Variants in GLE1 observed in about 807,000 individuals in gnomAD.
The protein encoded by GLE1 is GLE1 RNA export mediator, also known as mRNA export factor GLE1.
In GLE1, 78 loss-of-function variants were observed where a neutral mutation model predicts 97.3. The ratio of observed to expected loss-of-function variants is 0.80; its 90% CI spans 0.67 to 0.97. The LOEUF is 0.97. Among genes scored for constraint, GLE1 ranks in the 50% least tolerant of loss-of-function variants. GLE1 has a pLI of 0.00. For synonymous variants in GLE1, 302 were observed against 313.4 expected (o/e 0.96, Z 0.39); for missense variants, 753 against 857.5 (o/e 0.88, Z 1.52).
chr9:128,506,205 C>T (rs1371941566), intron 1 of GLE1, among the ~76,000 whole-genome samples: 1 of 151,948 alleles, frequency 6.6e-6, no homozygotes, highest in Admixed American at 6.6e-5. Context: ...ATTAGCCGAG[C>T]ATGGTGGTGC....
At chr9:128,520,093 T>TA (rs1198325505) in intron 3 of GLE1, among the ~76,000 whole-genome samples, 2 of 151,738 alleles carry the variant, frequency 1.3e-5, no homozygotes, top group African/African-American at 4.8e-5. Flanking sequence ...CTACTAAAAA[T>TA]ACAAAAATTA....
intron 9 of GLE1, chr9:128,528,955 C>T (rs899791678): frequency 2.6e-5 from 4 of 152,152 alleles, no homozygotes; most frequent in African/African-American, 9.7e-5. Context: ...CTGGAACACT[C>T]CTCTGACGCA....
chr9:128,531,069 C>T (rs1847487181), intron 9 of GLE1, among the ~76,000 whole-genome samples: 1 of 151,646 alleles, frequency 6.6e-6, no homozygotes, highest in Non-Finnish European at 1.5e-5. Flanking sequence ...ACAAAATTAG[C>T]TGGGCATGGT....
chr9:128,509,079 A>G lies in GLE1; in HGVS notation c.303A>G (p.Ala101=). The G allele has an allele frequency of 6.2e-7, 1 of 1,606,882 alleles. No homozygotes were observed. Among genetic ancestry groups the G allele is most frequent in the Non-Finnish European group, 8.5e-7 (1 of 1,173,372 alleles). ...CTGCCTTTTCCCCAGCCTCCCCTGC[A>G]ACACCAAATGGAACCAAGGTAAGGT... The part of the protein sequence containing the change: ...ASSAFSPASP[A]TPNGTKGKDE... The change falls in exon 2 of 16, where the codon GCA becomes GCG. Residue 101 remains alanine, a synonymous_variant. Transcript: ENST00000309971.
chr9:128,517,194 G>A (rs1378762779), intron 3 of GLE1, among the ~76,000 whole-genome samples: 1 of 151,982 alleles, frequency 6.6e-6, no homozygotes, highest in Non-Finnish European at 1.5e-5. Context: ...GGAGGCTGAG[G>A]CAGGAGAATC....
chr9:128,516,770 GC>G (rs1201983053), intron 3 of GLE1, among the ~76,000 whole-genome samples: 1 of 151,822 alleles, frequency 6.6e-6, no homozygotes, highest in Non-Finnish European at 1.5e-5. Flanking sequence ...GATTACAGGC[GC>G]CTGCCACCAC....
intron 10 of GLE1, 24 bp downstream of exon 10, chr9:128,533,679 T>C: frequency 1.2e-6 from 2 of 1,613,818 alleles, no homozygotes; most frequent in Non-Finnish European, 1.7e-6. Context: ...TTGCTAGAGG[T>C]ATGGGAAGCA....
At chr9:128,513,991 C>G (rs1436786933) in intron 2 of GLE1, among the ~76,000 whole-genome samples, 1 of 147,600 alleles carries the variant, frequency 6.8e-6, no homozygotes, top group East Asian at 2.0e-4. Context: ...GCACTCCAGC[C>G]TGGGCAACAG....
intron 11 of GLE1, among the ~76,000 whole-genome samples, chr9:128,535,227 G>A (rs1422779274): frequency 6.6e-6 from 1 of 151,640 alleles, no homozygotes; most frequent in African/African-American, 2.4e-5. Context: ...TTAGCCAGGT[G>A]TTGGCTGGGC....
intron 2 of GLE1, among the ~76,000 whole-genome samples, chr9:128,514,311 C>G (rs1425073324): frequency 6.8e-6 from 1 of 147,332 alleles, no homozygotes. Flanking sequence ...TATACTCCAG[C>G]CTGGGAAACA....
intron 3 of GLE1, among the ~76,000 whole-genome samples, chr9:128,516,522 T>C (rs1846991898): frequency 6.6e-6 from 1 of 151,782 alleles, no homozygotes; most frequent in Admixed American, 6.6e-5. Flanking sequence ...GGTTTTGCCG[T>C]GTTAGCCAGG....
rs536855777 is a variant in GLE1 at position 128,533,847 on chromosome 9, C to T, written c.1542C>T (p.Pro514=). Residue 514 remains proline (P), a synonymous_variant, in exon 11 of 16, where the codon CCC becomes CCT. Transcript: ENST00000309971. The stretch of plus-strand genomic sequence containing the variant: ...CATCCGGGATCTGGGAGCTCCACCC[C>T]AGAGTGGGGGACCTCATTCTTGCTC... The part of the protein sequence containing the change: ...VVASGIWELH[P]RVGDLILAHL... 29 of 1,613,346 alleles carry T rather than the reference C, an allele frequency of 1.8e-5. No individual in the cohort carries two copies. The South Asian group carries it at 3.0e-4, about 16-fold the overall frequency.
At chr9:128,520,199 G>A (rs982809188) in intron 3 of GLE1, among the ~76,000 whole-genome samples, 11 of 151,946 alleles carry the variant, frequency 7.2e-5, no homozygotes, top group African/African-American at 9.7e-5. Flanking sequence ...GCAGTGAGCC[G>A]AGATGGTGCC....
intron 12 of GLE1, among the ~76,000 whole-genome samples, chr9:128,537,776 C>T (rs1452154810): frequency 6.6e-6 from 1 of 152,146 alleles, no homozygotes; most frequent in African/African-American, 2.4e-5. Context: ...CACTATAGCA[C>T]TCCAACCTGG....
rs750362620 is a variant in GLE1 at position 128,515,635 on chromosome 9, G to A, written c.428G>A (p.Gly143Glu). 2 of 1,543,720 alleles carry A rather than the reference G, an allele frequency of 1.3e-6. No homozygotes were observed. The highest frequency in any genetic ancestry group is 1.8e-6 in the Non-Finnish European group (2 of 1,116,164). Residue 143 changes from glycine to glutamate, a missense_variant, in exon 3 of 16, where the codon GGA becomes GAA. Physicochemically the swap from Gly to Glu is moderately conservative, Grantham distance 98. Coordinates refer to ENST00000309971, the MANE Select transcript of GLE1 (RefSeq NM_001003722.2). ...TACGAACTGGTACACAGAATGAAAG[G>A]AACAGTAAGTGAACCCATGAAGGAA... ...RMYELVHRMK[G>E]TEGLRLWQEE... is the part of the protein sequence containing the mutation.
chr9:128,510,341 A>C, intron 2 of GLE1, among the ~76,000 whole-genome samples: 1 of 148,640 alleles, frequency 6.7e-6, no homozygotes, highest in African/African-American at 2.5e-5. Context: ...CGATTCTCCC[A>C]CCTCAGCCTC....
At chr9:128,524,504 C>CA (rs1847245440) in intron 6 of GLE1, among the ~76,000 whole-genome samples, 1 of 149,270 alleles carries the variant, frequency 6.7e-6, no homozygotes, top group South Asian at 2.1e-4. Context: ...GGGTTACAGG[C>CA]ACGAGCCATT....
rs1847825960 is a variant in GLE1 at position 128,539,557 on chromosome 9, CT to C, written c.1882-58del. ...GAAGGGCTGATTGTGCTTTATGAAT[CT>C]GTCCTGTGAGTGTGAATTTTCATTT... On this transcript the variant is annotated intron_variant, in intron 13 of 15. Coordinates refer to ENST00000309971, the MANE Select transcript of GLE1 (RefSeq NM_001003722.2). 4 of 1,419,480 alleles carry C rather than the reference CT, an allele frequency of 2.8e-6. No individual in the cohort carries two copies. The African/African-American group carries it at 5.6e-5, about 20-fold the overall frequency. 87.9% of individuals were successfully genotyped at this position (1,419,480 alleles called of 1,614,324 possible). A position where few individuals can be genotyped will look rare whatever the true frequency, so the allele number is the denominator to read the frequency against.
intron 8 of GLE1, 29 bp downstream of exon 8, chr9:128,527,320 T>G (rs1433894776): frequency 7.1e-7 from 1 of 1,405,248 alleles, no homozygotes; most frequent in South Asian, 1.2e-5. Context: ...GCAGTAATTT[T>G]GTGGACTTGA....
Sources: allele counts gnomAD v4.1 joint callset (sites outside exome capture counted in the v4.1 genomes callset), GRCh38; gene constraint gnomAD v4.1.1; transcripts MANE v1.5; gene names NCBI Gene and HGNC (gene_info 2026-07-23, HGNC 2026-07-21).